PPM1H: variants seen among roughly 807,000 people sequenced by gnomAD.
PPM1H encodes protein phosphatase, Mg2+/Mn2+ dependent 1H.
A neutral mutation model predicts 54.9 loss-of-function variants in PPM1H; 27 were observed. The ratio of observed to expected loss-of-function variants is 0.49; its 90% confidence interval spans 0.36 to 0.68. The LOEUF is 0.68. Among genes scored for constraint, PPM1H ranks in the 30% least tolerant of loss-of-function variants. PPM1H has a pLI of 0.00. For synonymous variants in PPM1H, 305 were observed against 270.8 expected (o/e 1.13, Z -1.24); for missense variants, 596 against 667.8 (o/e 0.89, Z 1.19).
chr12:62,671,225 C>T (rs774524060), intron 8 of PPM1H, among the ~76,000 whole-genome samples: 22 of 152,150 alleles, frequency 1.4e-4, no homozygotes, highest in Non-Finnish European at 2.6e-4. Flanking sequence ...ACTCAGACAT[C>T]TGGAAGAGTC....
chr12:62,712,336 C>T (rs1230032211), intron 6 of PPM1H, among the ~76,000 whole-genome samples: 2 of 152,112 alleles, frequency 1.3e-5, no homozygotes, highest in Non-Finnish European at 2.9e-5. Flanking sequence ...CAAGGTGGCC[C>T]GTAATCATTA....
intron 2 of PPM1H, among the ~76,000 whole-genome samples, chr12:62,802,627 G>T (rs1029515614): frequency 6.6e-6 from 1 of 150,972 alleles, no homozygotes; most frequent in Non-Finnish European, 1.5e-5. Context: ...TCAGTGGCGC[G>T]ATCTAGGCTC....
chr12:62,688,312 G>A (rs986184261), intron 8 of PPM1H, among the ~76,000 whole-genome samples: 4 of 152,032 alleles, frequency 2.6e-5, no homozygotes, highest in East Asian at 1.9e-4. Flanking sequence ...ATGCAGAGAC[G>A]CTACAGCCCT....
chr12:62,842,000 C>T (rs1305995862), intron 1 of PPM1H, among the ~76,000 whole-genome samples: 1 of 151,924 alleles, frequency 6.6e-6, no homozygotes, highest in Non-Finnish European at 1.5e-5. Context: ...CCATTAATAC[C>T]ACCAATGTCC....
Position 62,647,908 on chromosome 12 carries a change from GA to G in PPM1H, c.*580del, listed in dbSNP as rs71086621. On this transcript the variant is annotated 3_prime_UTR_variant, in exon 10 of 10. Coordinates refer to ENST00000228705, the MANE Select transcript of PPM1H (RefSeq NM_020700.2). ...CAGATTCAAGGAATGTCAAAAACACGAAAAAAAAAAAAAAAAATCCCTGCCT... is the reference window on the plus strand; with the variant it reads ...CAGATTCAAGGAATGTCAAAAACACGAAAAAAAAAAAAAAAATCCCTGCCT... 2.4e-3 allele frequency: 263 copies of G among 108,000 alleles called. 4 individuals are homozygous for G. The highest frequency in any genetic ancestry group is 9.6e-3 in the South Asian group (28 of 2,902). 6.7% of individuals were successfully genotyped at this position (108,000 alleles called of 1,614,324 possible). A position where few individuals can be genotyped will look rare whatever the true frequency, so the allele number is the denominator to read the frequency against.
At chr12:62,753,120 A>C (rs2120582407) in intron 4 of PPM1H, among the ~76,000 whole-genome samples, 1 of 152,364 alleles carries the variant, frequency 6.6e-6, no homozygotes, top group South Asian at 2.1e-4. Context: ...TAGGGAATGC[A>C]TACAGAAAAA....
chr12:62,656,099 G>A (rs1396622572), intron 9 of PPM1H, among the ~76,000 whole-genome samples: 1 of 152,230 alleles, frequency 6.6e-6, no homozygotes, highest in Non-Finnish European at 1.5e-5. Context: ...CAGGCGGAAG[G>A]AGGCCATAAA....
chr12:62,663,861 C>T (rs533565263), intron 9 of PPM1H, among the ~76,000 whole-genome samples: 13 of 152,234 alleles, frequency 8.5e-5, no homozygotes, highest in Admixed American at 2.6e-4. Context: ...CGTGGTGGCA[C>T]ATGCCTGTAA....
At chr12:62,859,399 T>A (rs142189588) in intron 1 of PPM1H, among the ~76,000 whole-genome samples, 1 of 152,338 alleles carries the variant, frequency 6.6e-6, no homozygotes, top group East Asian at 1.9e-4. Context: ...AATGTCTGTT[T>A]TCAAAATGAA....
chr12:62,814,289 C>T (rs747126940), intron 2 of PPM1H, among the ~76,000 whole-genome samples: 7 of 152,044 alleles, frequency 4.6e-5, no homozygotes, highest in Admixed American at 1.3e-4. Flanking sequence ...CCTTATTTTG[C>T]CCAAGCTAGT....
intron 9 of PPM1H, among the ~76,000 whole-genome samples, chr12:62,651,425 G>A (rs2075815599): frequency 6.6e-6 from 1 of 152,208 alleles, no homozygotes; most frequent in Admixed American, 6.5e-5. Context: ...TTAGAGTCAT[G>A]AAAGATGAAC....
chr12:62,774,008 G>A (rs915905333), intron 4 of PPM1H, among the ~76,000 whole-genome samples: 2 of 152,216 alleles, frequency 1.3e-5, no homozygotes, highest in African/African-American at 4.8e-5. Flanking sequence ...AAGCTGAGCT[G>A]ACCAGCATTC....
intron 1 of PPM1H, among the ~76,000 whole-genome samples, chr12:62,849,654 T>C (rs1283376000): frequency 6.6e-6 from 1 of 152,144 alleles, no homozygotes; most frequent in Non-Finnish European, 1.5e-5. Flanking sequence ...AAAGAGGTTA[T>C]CAGTGGCCAC....
intron 5 of PPM1H, among the ~76,000 whole-genome samples, chr12:62,724,796 G>A (rs1047496558): frequency 6.6e-6 from 1 of 152,044 alleles, no homozygotes. Flanking sequence ...CTTTTCATAA[G>A]AGCTGAGACT....
chr12:62,852,699 G>T (rs980736220), intron 1 of PPM1H, among the ~76,000 whole-genome samples: 7 of 152,188 alleles, frequency 4.6e-5, no homozygotes, highest in African/African-American at 1.4e-4. Flanking sequence ...GAGTGGTTAC[G>T]TGGTGCCACC....
At chr12:62,794,227 CAA>C (rs1470462175) in intron 3 of PPM1H, among the ~76,000 whole-genome samples, 2 of 152,132 alleles carry the variant, frequency 1.3e-5, no homozygotes, top group East Asian at 1.9e-4. Context: ...CTAACAAAAA[CAA>C]AGAGAACAAA....
At chr12:62,848,150 G>A (rs770702126) in intron 1 of PPM1H, among the ~76,000 whole-genome samples, 192 of 152,216 alleles carry the variant, frequency 1.3e-3, no homozygotes, top group Non-Finnish European at 1.2e-3. Context: ...ATATATTTTT[G>A]TATGCTGGTT....
intron 1 of PPM1H, among the ~76,000 whole-genome samples, chr12:62,930,848 G>A (rs1247183057): frequency 6.6e-6 from 1 of 151,942 alleles, no homozygotes; most frequent in Admixed American, 6.5e-5. Flanking sequence ...TAACTACAAT[G>A]CTTTACAGAG....
At chr12:62,736,597 G>A (rs67905589) in intron 5 of PPM1H, among the ~76,000 whole-genome samples, 3,313 of 152,368 alleles carry the variant, frequency 0.022, 56 homozygotes, top group East Asian at 0.066. Flanking sequence ...GTGCAGAGCT[G>A]CTTTCTAAAT....
Sources: allele counts gnomAD v4.1 joint callset (sites outside exome capture counted in the v4.1 genomes callset), GRCh38; gene constraint gnomAD v4.1.1; transcripts MANE v1.5; gene names NCBI Gene and HGNC (gene_info 2026-07-23, HGNC 2026-07-21).